The following TSPAN2 variants were observed in gnomAD, a reference collection of about 807,000 sequenced individuals.
TSPAN2 encodes the protein tetraspanin-2.
TSPAN2 carries 24 observed loss-of-function variants against 33.3 expected under a neutral mutation model. The ratio of observed to expected loss-of-function variants is 0.72; its 90% CI spans 0.52 to 1.01. The LOEUF is 1.01. Ranked by LOEUF, TSPAN2 falls within the 50% of genes least tolerant of loss-of-function variation. The pLI, the probability that TSPAN2 is intolerant of heterozygous loss-of-function variation, is 0.00. For missense variants in TSPAN2, 278 were observed against 281.3 expected, an observed-to-expected ratio of 0.99 and a Z score of 0.08; for synonymous variants, 114 against 104.5, an observed-to-expected ratio of 1.09 and a Z score of -0.56.
intron 6 of TSPAN2, among the ~76,000 whole-genome samples, chr1:115,055,817 A>T (rs1647397614): frequency 6.6e-6 from 1 of 152,170 alleles, no homozygotes; most frequent in Admixed American, 6.5e-5. Flanking sequence ...CATGATTCTT[A>T]ATGGTGGTAA....
At position 115,050,412 on chromosome 1, in the gene TSPAN2, T is replaced by C. The variant is rs994200089; in HGVS notation, c.*78A>G. The stretch of plus-strand genomic sequence containing the variant: ...TTTAGATCCTAATGTCATTTCAGTG[T>C]TAAAAATGAGCTGGGAGACAGCTCC... On this transcript the variant is annotated 3_prime_UTR_variant, in exon 8 of 8. Coordinates refer to ENST00000369516, the MANE Select transcript of TSPAN2 (RefSeq NM_005725.6). The C allele has an allele frequency of 1.1e-5, 14 of 1,281,798 alleles. No homozygotes were observed. The African/African-American group carries it at 1.9e-4, about 17-fold the overall frequency. 79.4% of individuals were successfully genotyped at this position (1,281,798 alleles called of 1,614,324 possible).
At chr1:115,085,841 T>C (rs1361670259) in intron 1 of TSPAN2, among the ~76,000 whole-genome samples, 1 of 152,026 alleles carries the variant, frequency 6.6e-6, no homozygotes, top group Non-Finnish European at 1.5e-5. Context: ...CCCATGAAAC[T>C]GGGGGAGAGG....
At chr1:115,088,311 C>T (rs1352712141) in intron 1 of TSPAN2, among the ~76,000 whole-genome samples, 1 of 152,188 alleles carries the variant, frequency 6.6e-6, no homozygotes, top group Non-Finnish European at 1.5e-5. Context: ...GCAGATAGGA[C>T]AGCCACCTCC....
chr1:115,059,574 G>A (rs185350421), intron 4 of TSPAN2, among the ~76,000 whole-genome samples: 1 of 152,284 alleles, frequency 6.6e-6, no homozygotes, highest in African/African-American at 2.4e-5. Context: ...TTTTTATGAC[G>A]TGGTTTAAAA....
At chr1:115,058,078 A>G (rs1452582231) in intron 5 of TSPAN2, among the ~76,000 whole-genome samples, 1 of 152,222 alleles carries the variant, frequency 6.6e-6, no homozygotes, top group African/African-American at 2.4e-5. Flanking sequence ...TTGGCCAGCA[A>G]ACAGGTGTCC....
chr1:115,077,911 G>A (rs529625550), intron 1 of TSPAN2, among the ~76,000 whole-genome samples: 2 of 152,306 alleles, frequency 1.3e-5, no homozygotes, highest in East Asian at 1.9e-4. Flanking sequence ...TTTCCTGGAG[G>A]TTAGCCAACC....
chr1:115,071,212 C>T (rs974098545), intron 2 of TSPAN2, among the ~76,000 whole-genome samples: 1 of 152,166 alleles, frequency 6.6e-6, no homozygotes, highest in Non-Finnish European at 1.5e-5. Flanking sequence ...TAGTAATTCG[C>T]TTCTTGGCCA....
intron 2 of TSPAN2, among the ~76,000 whole-genome samples, chr1:115,068,898 G>A (rs1648052266): frequency 1.3e-5 from 2 of 152,186 alleles, no homozygotes; most frequent in Admixed American, 6.5e-5. Context: ...GGCAGCACCG[G>A]GAGACAGGGC....
chr1:115,064,240 C>T (rs184031727), intron 2 of TSPAN2, among the ~76,000 whole-genome samples: 1 of 152,330 alleles, frequency 6.6e-6, no homozygotes, highest in East Asian at 1.9e-4. Context: ...CAATTCCCAT[C>T]CCACACTTCT....
Position 115,062,228 on chromosome 1 carries a change from C to G in TSPAN2, c.177G>C (p.Leu59=), listed in dbSNP as rs1459050875. 2 of 1,585,140 alleles carry G rather than the reference C, an allele frequency of 1.3e-6. No homozygotes were observed. Among genetic ancestry groups the G allele is most frequent in the African/African-American group, 1.3e-5 (1 of 74,466 alleles). The part of the protein sequence containing the change: ...DKSPEYFYVG[L]YVLVGAGALM... ...GGGCCCCGGCTCCAACCAGAACATACAGCCCTGTGGGGAAGAGGTCAGAGG... is the reference window on the plus strand; with the variant it reads ...GGGCCCCGGCTCCAACCAGAACATAGAGCCCTGTGGGGAAGAGGTCAGAGG... Residue 59 remains leucine, a synonymous_variant, in exon 3 of 8, where the codon CTG becomes CTC. Transcript: ENST00000369516.
chr1:115,061,985 A>G lies in TSPAN2; in HGVS notation c.270+150T>C, dbSNP rs1398408267. On this transcript the variant is annotated intron_variant, in intron 3 of 7. Coordinates refer to ENST00000369516, the MANE Select transcript of TSPAN2 (RefSeq NM_005725.6). Reference sequence around the variant, plus strand: ...AGTATTATTCATATATAAGAGATGGAGAAACCAAGACTGAGGGAGGAAAAG... The same window carrying G: ...AGTATTATTCATATATAAGAGATGGGGAAACCAAGACTGAGGGAGGAAAAG... 6 of 654,586 alleles carry G rather than the reference A, an allele frequency of 9.2e-6. 1 individual carries two copies. The East Asian group carries it at 1.4e-4, about 16-fold the overall frequency. The allele number at this position is 654,586 out of a possible 1,614,324, so 40.5% of individuals were successfully genotyped here.
intron 1 of TSPAN2, among the ~76,000 whole-genome samples, chr1:115,073,301 G>T (rs1648261766): frequency 6.6e-6 from 1 of 152,198 alleles, no homozygotes; most frequent in African/African-American, 2.4e-5. Context: ...AGCCAGGGAG[G>T]TGTCTCAAAA....
At chr1:115,068,246 C>A (rs904324123) in intron 2 of TSPAN2, among the ~76,000 whole-genome samples, 2 of 152,202 alleles carry the variant, frequency 1.3e-5, no homozygotes, top group African/African-American at 2.4e-5. Context: ...ATTGACCACA[C>A]CTCTGGCTTG....
In TSPAN2 at chr1:115,050,553, G is replaced by T. The variant is rs1675288119; in HGVS notation, c.603C>A (p.Ile201=). 3 of 1,613,874 alleles carry T rather than the reference G, an allele frequency of 1.9e-6. No individual in the cohort carries two copies. The Admixed American group carries it at 5.0e-5, about 27-fold the overall frequency. The change falls in exon 8 of 8, where the codon ATC becomes ATA. Residue 201 remains isoleucine, a splice_region_variant and synonymous_variant. Transcript: ENST00000369516. ...GGACCATGCTGAATATCATGCCAAA[G>T]ATCTGAAACAGAAGAAACACTCATC... ...IVGIGIAGLT[I]FGMIFSMVLC...
At position 115,072,679 on chromosome 1, in the gene TSPAN2, G is replaced by A. The variant is rs1022660634; in HGVS notation, c.172+226C>T. On this transcript the variant is annotated intron_variant, in intron 2 of 7. Transcript: ENST00000369516. ...ATTTTGGAGAGCGGAGGAACAGACCGTGTGAGGGCAAGGGGAAGGGGTCAC... is the reference window on the plus strand; with the variant it reads ...ATTTTGGAGAGCGGAGGAACAGACCATGTGAGGGCAAGGGGAAGGGGTCAC... Among the ~76,000 whole-genome samples, 14 of 152,216 alleles carry A rather than the reference G, an allele frequency of 9.2e-5. No homozygotes were observed. The East Asian group carries it at 1.2e-3, about 13-fold the overall frequency.
intron 1 of TSPAN2, among the ~76,000 whole-genome samples, chr1:115,074,716 C>T (rs1462171332): frequency 2.0e-5 from 3 of 152,146 alleles, no homozygotes; most frequent in African/African-American, 4.8e-5. Context: ...TTTAAAAATA[C>T]ATTTTTAAAG....
chr1:115,052,852 C>A (rs1647232604), intron 7 of TSPAN2, among the ~76,000 whole-genome samples: 1 of 152,112 alleles, frequency 6.6e-6, no homozygotes, highest in Admixed American at 6.5e-5. Context: ...ATTTTCACGG[C>A]AATCCTATAA....
At chr1:115,076,373 A>G (rs1383041457) in intron 1 of TSPAN2, among the ~76,000 whole-genome samples, 1 of 152,128 alleles carries the variant, frequency 6.6e-6, no homozygotes, top group Non-Finnish European at 1.5e-5. Flanking sequence ...AGCCCATAGC[A>G]AGGTCTGCCT....
At chr1:115,072,881 G>A in intron 2 of TSPAN2, 24 bp downstream of exon 2, 1 of 1,578,102 alleles carries the variant, frequency 6.3e-7, no homozygotes, top group Non-Finnish European at 8.7e-7. Context: ...CTGAGCTGGA[G>A]CTTAGGAAGC....
Sources: gnomAD v4.1 joint callset for allele counts (sites outside exome capture counted in the v4.1 genomes callset) on GRCh38, gnomAD v4.1.1 for gene constraint, MANE v1.5 for transcripts, NCBI Gene and HGNC (gene_info 2026-07-23, HGNC 2026-07-21) for gene names.